The following TM9SF2 variants were observed in gnomAD, a reference collection of about 807,000 sequenced individuals.
TM9SF2 encodes transmembrane 9 superfamily member 2.
In TM9SF2, 13 loss-of-function variants were observed where a neutral mutation model predicts 84.9. The observed-to-expected ratio is 0.15, with a 90% CI of 0.10 to 0.24. The LOEUF (loss-of-function observed/expected upper bound fraction) is 0.24. Ranked by LOEUF, TM9SF2 falls within the 10% of genes least tolerant of loss-of-function variation. TM9SF2 has a pLI of 1.00. For missense variants in TM9SF2, 562 were observed against 818.5 expected, an observed-to-expected ratio of 0.69 and a Z score of 3.82; for synonymous variants, 273 against 285.8, an observed-to-expected ratio of 0.96 and a Z score of 0.45.
intron 6 of TM9SF2, among the ~76,000 whole-genome samples, chr13:99,538,772 G>A (rs2046245340): frequency 6.6e-6 from 1 of 150,612 alleles, no homozygotes; most frequent in Non-Finnish European, 1.5e-5. Context: ...AATTAACTGG[G>A]CACTGTGGCC....
At chr13:99,530,758 A>T (rs1196996510) in intron 4 of TM9SF2, among the ~76,000 whole-genome samples, 1 of 152,240 alleles carries the variant, frequency 6.6e-6, no homozygotes, top group Non-Finnish European at 1.5e-5. Context: ...ACATAACATT[A>T]ACAAATTCTG....
chr13:99,512,343 T>G (rs1026294650), intron 1 of TM9SF2, among the ~76,000 whole-genome samples: 1 of 152,208 alleles, frequency 6.6e-6, no homozygotes, highest in Admixed American at 6.5e-5. Context: ...CCAAGAGCAC[T>G]TAATAAAAGT....
At chr13:99,522,453 C>T (rs770379171) in intron 3 of TM9SF2, among the ~76,000 whole-genome samples, 5 of 152,214 alleles carry the variant, frequency 3.3e-5, no homozygotes, top group Non-Finnish European at 7.3e-5. Context: ...AGTGTATGGA[C>T]ATGGGTGCCA....
chr13:99,554,920 G>A (rs1030930514), intron 14 of TM9SF2, among the ~76,000 whole-genome samples: 1 of 152,152 alleles, frequency 6.6e-6, no homozygotes, highest in Non-Finnish European at 1.5e-5. Flanking sequence ...GACCTGCAGA[G>A]TCCTTTGCAA....
Position 99,549,118 on chromosome 13 carries a change from G to C in TM9SF2, c.1271-47G>C, listed in dbSNP as rs41280150. The C allele has an allele frequency of 4.5e-6, 7 of 1,544,156 alleles. No homozygotes were observed. In the African/African-American group the frequency reaches 9.6e-5, roughly 21 times the overall value. On this transcript the variant is annotated intron_variant, in intron 11 of 16. Transcript: ENST00000376387. ...GACTTGTAATATGGATATTTGGTTT[G>C]CTTTAAAGAAAATCTGTATTTATAC...
chr13:99,508,595 G>A (rs2046100008), intron 1 of TM9SF2, among the ~76,000 whole-genome samples: 2 of 152,102 alleles, frequency 1.3e-5, no homozygotes. Context: ...TTGGCCCACA[G>A]TTCTGCAGGC....
chr13:99,540,978 T>C (rs1255105249), intron 8 of TM9SF2, among the ~76,000 whole-genome samples, 185 bp downstream of exon 8: 1 of 152,272 alleles, frequency 6.6e-6, no homozygotes, highest in Non-Finnish European at 1.5e-5. Flanking sequence ...TCTGTTTCTT[T>C]ATCTAGAAAT....
intron 3 of TM9SF2, among the ~76,000 whole-genome samples, chr13:99,525,700 C>T (rs928748389): frequency 1.5e-4 from 23 of 152,008 alleles, no homozygotes; most frequent in African/African-American, 4.8e-4. Flanking sequence ...GGACTATAGG[C>T]GCCCGCCACT....
intron 11 of TM9SF2, among the ~76,000 whole-genome samples, chr13:99,547,683 A>G (rs570045713): frequency 6.6e-6 from 1 of 152,370 alleles, no homozygotes; most frequent in African/African-American, 2.4e-5. Flanking sequence ...AGTGAAACAA[A>G]AGGCTCACGG....
intron 6 of TM9SF2, among the ~76,000 whole-genome samples, chr13:99,538,309 A>T (rs1482669081): frequency 6.6e-6 from 1 of 152,050 alleles, no homozygotes; most frequent in Non-Finnish European, 1.5e-5. Context: ...ATTGAAAGAG[A>T]TCTCTTCAAC....
At chr13:99,525,469 C>T (rs1198254776) in intron 3 of TM9SF2, among the ~76,000 whole-genome samples, 2 of 151,806 alleles carry the variant, frequency 1.3e-5, no homozygotes, top group East Asian at 1.9e-4. Flanking sequence ...CTCAAACTCC[C>T]GACCTTAGGT....
intron 6 of TM9SF2, among the ~76,000 whole-genome samples, chr13:99,538,616 T>C (rs2046244750): frequency 2.6e-5 from 4 of 151,396 alleles, no homozygotes; most frequent in Non-Finnish European, 5.9e-5. Context: ...GGCAACATAA[T>C]GAGACCCTGT....
chr13:99,543,112 G>C (rs750281333), intron 9 of TM9SF2, among the ~76,000 whole-genome samples: 10 of 152,134 alleles, frequency 6.6e-5, no homozygotes, highest in Non-Finnish European at 8.8e-5. Flanking sequence ...TGTTTTATCT[G>C]CTAAGAAGGT....
intron 1 of TM9SF2, among the ~76,000 whole-genome samples, chr13:99,503,924 A>G (rs1267114364): frequency 3.3e-5 from 5 of 152,188 alleles, no homozygotes; most frequent in Admixed American, 3.3e-4. Context: ...TAAAACAGGC[A>G]GAGCAGATCA....
At chr13:99,504,455 A>G (rs2046080345) in intron 1 of TM9SF2, among the ~76,000 whole-genome samples, 1 of 152,210 alleles carries the variant, frequency 6.6e-6, no homozygotes, top group Admixed American at 6.5e-5. Flanking sequence ...GAAAAGTGCA[A>G]TATTTGTCAT....
chr13:99,518,098 T>G (rs560347041), intron 2 of TM9SF2, among the ~76,000 whole-genome samples: 119 of 152,300 alleles, frequency 7.8e-4, no homozygotes, highest in African/African-American at 2.8e-3. Context: ...CAGAAGTAGA[T>G]TCATAGTATT....
At chr13:99,535,844 A>C (rs1051278357) in intron 4 of TM9SF2, among the ~76,000 whole-genome samples, 1 of 152,188 alleles carries the variant, frequency 6.6e-6, no homozygotes, top group African/African-American at 2.4e-5. Context: ...ACTGTAATGT[A>C]GTTATATGGT....
chr13:99,533,901 CCT>C (rs2046222217), intron 4 of TM9SF2, among the ~76,000 whole-genome samples: 1 of 152,334 alleles, frequency 6.6e-6, no homozygotes, highest in East Asian at 1.9e-4. Context: ...GAACTCCTGA[CCT>C]CTTGATCTAC....
intron 12 of TM9SF2, among the ~76,000 whole-genome samples, chr13:99,550,797 A>G (rs2046302715): frequency 6.6e-6 from 1 of 152,224 alleles, no homozygotes; most frequent in African/African-American, 2.4e-5. Flanking sequence ...ATAGAGAAAT[A>G]TTTCCTTGTA....
Sources: allele counts gnomAD v4.1 joint callset (sites outside exome capture counted in the v4.1 genomes callset), GRCh38; gene constraint gnomAD v4.1.1; transcripts MANE v1.5; gene names NCBI Gene and HGNC (gene_info 2026-07-23, HGNC 2026-07-21).